The following MECOM variants were observed in gnomAD, a reference collection of about 807,000 sequenced individuals.
The protein encoded by MECOM is histone-lysine N-methyltransferase MECOM.
A neutral mutation model predicts 116.3 loss-of-function variants in MECOM; 13 were observed. The observed-to-expected ratio is 0.11, with a 90% CI of 0.07 to 0.18. The LOEUF is 0.18. Ranked by LOEUF, MECOM falls within the 10% of genes least tolerant of loss-of-function variation. The pLI is 1.00. For synonymous variants in MECOM, 528 were observed against 535.2 expected (o/e 0.99, Z 0.19); for missense variants, 1,299 against 1,509.0 (o/e 0.86, Z 2.31).
chr3:169,649,704 A>G (rs1444649500), intron 1 of MECOM, among the ~76,000 whole-genome samples: 1 of 152,224 alleles, frequency 6.6e-6, no homozygotes, highest in Non-Finnish European at 1.5e-5. Context: ...AAATGTTAAT[A>G]GAGTAATGCC....
intron 2 of MECOM, among the ~76,000 whole-genome samples, chr3:169,225,128 T>A (rs1030398126): frequency 1.3e-5 from 2 of 152,166 alleles, no homozygotes; most frequent in African/African-American, 4.8e-5. Context: ...CAAAATGAGT[T>A]TTATAGAGAA....
chr3:169,138,924 T>C (rs930841936), intron 3 of MECOM, among the ~76,000 whole-genome samples: 2 of 152,078 alleles, frequency 1.3e-5, no homozygotes, highest in Non-Finnish European at 2.9e-5. Flanking sequence ...TGTTCTAGTG[T>C]CACAGCAGTC....
chr3:169,654,813 A>AACAC (rs10622808), intron 1 of MECOM, among the ~76,000 whole-genome samples: 45,834 of 147,896 alleles, frequency 0.31, 7,156 homozygotes, highest in East Asian at 0.4. Context: ...CACCTATCAA[A>AACAC]ACACACACAC....
chr3:169,377,758 G>A (rs1731287340), intron 2 of MECOM, among the ~76,000 whole-genome samples: 1 of 152,160 alleles, frequency 6.6e-6, no homozygotes, highest in South Asian at 2.1e-4. Context: ...GTGGAAGACG[G>A]TGTGGCGATT....
chr3:169,401,636 G>A (rs1256662683), intron 1 of MECOM, among the ~76,000 whole-genome samples: 1 of 152,120 alleles, frequency 6.6e-6, no homozygotes, highest in East Asian at 1.9e-4. Flanking sequence ...GTCAAGAAGT[G>A]GCCACACCCA....
chr3:169,553,686 T>C (rs1187300875), intron 1 of MECOM, among the ~76,000 whole-genome samples: 1 of 152,216 alleles, frequency 6.6e-6, no homozygotes, highest in African/African-American at 2.4e-5. Context: ...AAGTCCAGGA[T>C]GAAGGTGTTC....
chr3:169,497,875 AAG>A (rs1754027179), intron 1 of MECOM, among the ~76,000 whole-genome samples: 1 of 152,236 alleles, frequency 6.6e-6, no homozygotes, highest in Admixed American at 6.5e-5. Context: ...AGTACAAAAG[AAG>A]AGTTTTGTTT....
intron 2 of MECOM, among the ~76,000 whole-genome samples, chr3:169,285,402 T>C (rs1006468719): frequency 6.6e-6 from 1 of 152,208 alleles, no homozygotes; most frequent in African/African-American, 2.4e-5. Flanking sequence ...CTGTCCCACC[T>C]GAAGAATACT....
chr3:169,111,881 G>C (rs1208787670), intron 9 of MECOM, among the ~76,000 whole-genome samples: 1 of 151,806 alleles, frequency 6.6e-6, no homozygotes. Context: ...CTTTCCATAA[G>C]ACAGCTTGCA....
chr3:169,312,430 G>A (rs1157942139), intron 2 of MECOM, among the ~76,000 whole-genome samples: 4 of 146,680 alleles, frequency 2.7e-5, no homozygotes, highest in Non-Finnish European at 4.5e-5. Context: ...GTGCAGTGGC[G>A]CGATCTCGGC....
At chr3:169,411,811 C>T (rs1056443118) in intron 1 of MECOM, among the ~76,000 whole-genome samples, 2 of 151,984 alleles carry the variant, frequency 1.3e-5, no homozygotes, top group Admixed American at 6.6e-5. Context: ...GCCGACATGG[C>T]GAGACATTGT....
At chr3:169,250,869 T>C (rs1003904904) in intron 2 of MECOM, among the ~76,000 whole-genome samples, 1 of 152,204 alleles carries the variant, frequency 6.6e-6, no homozygotes, top group African/African-American at 2.4e-5. Context: ...TAAGTTTTCT[T>C]TCACTTTCTG....
intron 1 of MECOM, among the ~76,000 whole-genome samples, chr3:169,507,661 T>TTTTTTTTTTTTTTTTTTTG (rs1755420292): frequency 1.1e-5 from 1 of 92,178 alleles, no homozygotes; most frequent in Non-Finnish European, 2.3e-5. Flanking sequence ...TTTTTTTTTT[T>TTTTTTTTTTTTTTTTTTTG]TTTTTTTTTT....
chr3:169,595,579 T>C (rs1767039934), intron 1 of MECOM, among the ~76,000 whole-genome samples: 1 of 152,316 alleles, frequency 6.6e-6, no homozygotes, highest in East Asian at 1.9e-4. Context: ...TACTCAGTGT[T>C]GGCTTCTTAT....
intron 2 of MECOM, among the ~76,000 whole-genome samples, chr3:169,263,108 TA>T (rs1757777062): frequency 5.1e-5 from 5 of 98,770 alleles, no homozygotes; most frequent in African/African-American, 2.1e-4. Context: ...TATATATATA[TA>T]TATATATATA....
At chr3:169,401,815 T>A (rs188191312) in intron 1 of MECOM, among the ~76,000 whole-genome samples, 18 of 152,350 alleles carry the variant, frequency 1.2e-4, no homozygotes, top group Admixed American at 9.1e-4. Context: ...CAGTATTGTC[T>A]GACTTATAGT....
chr3:169,133,104 AAC>A (rs1735286283), intron 3 of MECOM, among the ~76,000 whole-genome samples: 1 of 136,894 alleles, frequency 7.3e-6, no homozygotes, highest in East Asian at 2.1e-4. Context: ...ATCTGAGCAA[AAC>A]ACATACACAC....
intron 2 of MECOM, among the ~76,000 whole-genome samples, chr3:169,302,767 G>A (rs554933237): frequency 6.6e-6 from 1 of 152,154 alleles, no homozygotes; most frequent in South Asian, 2.1e-4. Flanking sequence ...AGGAGGCTGA[G>A]GCAGGAGAAT....
At chr3:169,110,452 A>C (rs1323216215) in intron 9 of MECOM, among the ~76,000 whole-genome samples, 2 of 152,208 alleles carry the variant, frequency 1.3e-5, no homozygotes, top group Non-Finnish European at 2.9e-5. Context: ...TGAAAGAGGA[A>C]GAGGGCTCAC....
Sources: allele counts gnomAD v4.1 joint callset (sites outside exome capture counted in the v4.1 genomes callset), GRCh38; gene constraint gnomAD v4.1.1; transcripts MANE v1.5; gene names NCBI Gene and HGNC (gene_info 2026-07-23, HGNC 2026-07-21).